Variants in ZFY observed in about 807,000 individuals in gnomAD.
ZFY encodes zinc finger Y-chromosomal protein.
For synonymous variants in ZFY, 47 were observed against 55.8 expected (o/e 0.84, Z 0.71); for missense variants, 113 against 170.9 (o/e 0.66, Z 1.89).
chrY:2,977,220 G>GAAA (rs2051378509), intron 6 of ZFY, among the ~76,000 whole-genome samples: 1 of 20,880 alleles, frequency 4.8e-5, no homozygotes, highest in African/African-American at 2.0e-4. Flanking sequence ...AAAAAAAAAG[G>GAAA]GTTTTTTTTA....
At chrY:2,957,756 C>T in intron 2 of ZFY, among the ~76,000 whole-genome samples, 1 of 33,580 alleles carries the variant, frequency 3.0e-5, no homozygotes, top group Non-Finnish European at 7.4e-5. Flanking sequence ...CTCAGCAGTT[C>T]AAAACAAATT....
intron 3 of ZFY, among the ~76,000 whole-genome samples, chrY:2,969,804 A>C: frequency 3.0e-5 from 1 of 33,210 alleles, no homozygotes; most frequent in Non-Finnish European, 7.4e-5. Context: ...TTGAAAAAAT[A>C]TGCAAGAGAA....
intron 2 of ZFY, among the ~76,000 whole-genome samples, chrY:2,958,703 T>C: frequency 3.0e-5 from 1 of 33,747 alleles, no homozygotes; most frequent in Non-Finnish European, 7.3e-5. Context: ...AGATTGGTCA[T>C]GGTTCTAAAT....
At chrY:2,961,699 C>G in intron 3 of ZFY, 53 bp downstream of exon 3, 2 of 323,443 alleles carry the variant, frequency 6.2e-6, no homozygotes, top group African/African-American at 1.4e-4. Context: ...CCTGTGTTTT[C>G]TAACATAAAT....
At chrY:2,974,161 A>G in intron 3 of ZFY, among the ~76,000 whole-genome samples, 1 of 30,880 alleles carries the variant, frequency 3.2e-5, no homozygotes, top group Non-Finnish European at 7.8e-5. Flanking sequence ...ATCAGAATTT[A>G]CAACTATTTA....
At chrY:2,975,751 G>T in intron 5 of ZFY, 97 bp downstream of exon 5, 1 of 209,772 alleles carries the variant, frequency 4.8e-6, no homozygotes, top group Non-Finnish European at 7.8e-6. Flanking sequence ...TGCCATGGTG[G>T]TTTGCTGCAC....
chrY:2,942,394 A>AT (rs775454723), intron 1 of ZFY, among the ~76,000 whole-genome samples: 7 of 3,890 alleles, frequency 1.8e-3, no homozygotes, highest in Non-Finnish European at 3.2e-3. Flanking sequence ...TGCCAGGGCT[A>AT]TTTTTTTTTT....
intron 1 of ZFY, among the ~76,000 whole-genome samples, chrY:2,946,959 C>G: frequency 3.1e-5 from 1 of 32,579 alleles, no homozygotes; most frequent in South Asian, 6.6e-4. Flanking sequence ...TGCAGTGAGC[C>G]AAGATTGCGC....
chrY:2,961,885 A>C (rs1052593283), intron 3 of ZFY, among the ~76,000 whole-genome samples: 1 of 33,109 alleles, frequency 3.0e-5, no homozygotes, highest in African/African-American at 1.2e-4. Flanking sequence ...TAAGAAATGA[A>C]AATAACAGAA....
At chrY:2,969,773 A>T in intron 3 of ZFY, among the ~76,000 whole-genome samples, 1 of 33,134 alleles carries the variant, frequency 3.0e-5, no homozygotes, top group Non-Finnish European at 7.4e-5. Flanking sequence ...AGTATTATGA[A>T]ATCAGTCAGG....
intron 3 of ZFY, among the ~76,000 whole-genome samples, chrY:2,968,618 C>T (rs752124514): frequency 3.0e-5 from 1 of 33,249 alleles, no homozygotes; most frequent in East Asian, 7.8e-4. Context: ...CGGTTGTTTT[C>T]ATCTTTTATA....
intron 1 of ZFY, among the ~76,000 whole-genome samples, chrY:2,942,807 G>A (rs888402104): frequency 3.1e-5 from 1 of 31,923 alleles, no homozygotes; most frequent in Non-Finnish European, 7.6e-5. Context: ...ATAGCTCTAT[G>A]ATAAATATAG....
chrY:2,940,124 A>G (rs2051237256), intron 1 of ZFY, among the ~76,000 whole-genome samples: 1 of 33,585 alleles, frequency 3.0e-5, no homozygotes, highest in Non-Finnish European at 7.4e-5. Flanking sequence ...GTAAGTGTTA[A>G]GGCATACAGT....
chrY:2,936,143 G>C, intron 1 of ZFY, among the ~76,000 whole-genome samples: 1 of 33,889 alleles, frequency 3.0e-5, no homozygotes, highest in Admixed American at 2.6e-4. Flanking sequence ...ATCCTTGGCT[G>C]GGTGCAGTGT....
intron 1 of ZFY, among the ~76,000 whole-genome samples, chrY:2,953,708 A>C: frequency 3.0e-5 from 1 of 33,563 alleles, no homozygotes; most frequent in Non-Finnish European, 7.4e-5. Flanking sequence ...AAAAACAGAA[A>C]CACTGTCAAT....
In ZFY at chrY:2,979,694, C is replaced by T; in HGVS notation, c.2107C>T (p.Arg703Cys). The T allele has an allele frequency of 5.0e-6, 2 of 398,910 alleles. No homozygotes were observed. Among genetic ancestry groups the T allele is most frequent in the Non-Finnish European group, 7.0e-6 (2 of 283,716 alleles). Reference protein sequence around the residue: ...FKIADPFVLSRHILSVHTKDL... With the variant: ...FKIADPFVLSCHILSVHTKDL... ...GATTGCAGACCCATTTGTTCTAAGT[C>T]GCCATATTCTCTCAGTTCACACAAA... The change falls in exon 8 of 8, where the codon CGC becomes TGC. Residue 703 changes from arginine to cysteine, a missense_variant. Physicochemically the swap from Arg to Cys is radical, Grantham distance 180. Transcript: ENST00000155093.
rs752490872 is a variant in ZFY, at chrY:2,954,005, T to C, written c.61+8T>C. Reference sequence around the variant, plus strand: ...CATTTTTTGATGGAATAGGTATTACTATTTATTGGGTTGTTTCACTTCCCA... The same window carrying C: ...CATTTTTTGATGGAATAGGTATTACCATTTATTGGGTTGTTTCACTTCCCA... On this transcript the variant is annotated splice_region_variant and intron_variant, in intron 2 of 7. Coordinates refer to ENST00000155093, the MANE Select transcript of ZFY (RefSeq NM_003411.4). The C allele has an allele frequency of 1.6e-5, 6 of 384,164 alleles. No individual in the cohort carries two copies. Among genetic ancestry groups the C allele is most frequent in the African/African-American group, 6.3e-5 (1 of 15,973 alleles).
At position 2,981,403 on chromosome Y, in the gene ZFY, A is replaced by G. The variant is rs746956700; in HGVS notation, c.*1410A>G. 3.0e-5 allele frequency: 1 copy of G among 33,644 alleles called. No homozygotes were observed. Among genetic ancestry groups the G allele is most frequent in the African/African-American group, 1.2e-4 (1 of 8,692 alleles). The allele number at this position is 33,644 out of a possible 400,897, so 8.4% of individuals were successfully genotyped here. ...TGTTATTAAGCAGTTAATAATTTAT[A>G]TGTATGGATATAATATAAAATGAAT... On this transcript the variant is annotated 3_prime_UTR_variant, in exon 8 of 8. Transcript: ENST00000155093.
At chrY:2,973,758 C>T in intron 3 of ZFY, among the ~76,000 whole-genome samples, 2 of 33,282 alleles carry the variant, frequency 6.0e-5, no homozygotes. Flanking sequence ...TGTAAGGTTA[C>T]ATTATATGGG....
Sources: gnomAD v4.1 joint callset for allele counts (sites outside exome capture counted in the v4.1 genomes callset) on GRCh38, gnomAD v4.1.1 for gene constraint, MANE v1.5 for transcripts, NCBI Gene and HGNC (gene_info 2026-07-23, HGNC 2026-07-21) for gene names.